The following BMPR1B variants were observed in gnomAD, a reference collection of about 807,000 sequenced individuals.
BMPR1B encodes the protein bone morphogenetic protein receptor type 1B.
A neutral mutation model predicts 59.1 loss-of-function variants in BMPR1B; 12 were observed. That is an observed-to-expected ratio of 0.20 (90% CI 0.13 to 0.33). BMPR1B has a LOEUF of 0.33. Among genes scored for constraint, BMPR1B ranks in the 10% least tolerant of loss-of-function variants. The probability of loss-of-function intolerance (pLI) is 1.00; values close to 1 mark genes in which losing one functional copy is unlikely to be tolerated. For synonymous variants in BMPR1B, 237 were observed against 207.3 expected, an observed-to-expected ratio of 1.14 and a Z score of -1.23; for missense variants, 550 against 610.9, an observed-to-expected ratio of 0.90 and a Z score of 1.05.
At chr4:94,766,703 A>C (rs966043085) in intron 1 of BMPR1B, among the ~76,000 whole-genome samples, 1 of 151,982 alleles carries the variant, frequency 6.6e-6, no homozygotes. Flanking sequence ...TACCACACAG[A>C]AGTAGCCACC....
intron 2 of BMPR1B, among the ~76,000 whole-genome samples, chr4:94,971,514 A>G (rs1443135730): frequency 6.6e-6 from 1 of 152,126 alleles, no homozygotes; most frequent in Admixed American, 6.6e-5. Context: ...AGGTGCCTCA[A>G]TTGCAGGCAG....
chr4:94,887,062 G>A lies in BMPR1B; in HGVS notation c.-113+11162G>A, dbSNP rs867519537. ...TAAAAGGTAAAAAGGAACGAAGAGCGATTCTTTGGCAATGAATGGGAAAGG... is the reference window on the plus strand; with the variant it reads ...TAAAAGGTAAAAAGGAACGAAGAGCAATTCTTTGGCAATGAATGGGAAAGG... On this transcript the variant is annotated intron_variant, in intron 2 of 12. Coordinates refer to ENST00000515059, the MANE Select transcript of BMPR1B (RefSeq NM_001203.3). Among the ~76,000 whole-genome samples the A allele has an allele frequency of 5.3e-5, 8 of 152,006 alleles. No individual in the cohort carries two copies. The South Asian group carries it at 1.0e-3, about 20-fold the overall frequency.
chr4:94,780,682 C>CTTTTTTTTTTTTTTTT (rs869117575), intron 1 of BMPR1B, among the ~76,000 whole-genome samples: 1 of 82,342 alleles, frequency 1.2e-5, no homozygotes, highest in Non-Finnish European at 2.2e-5. Flanking sequence ...GTATTATTGT[C>CTTTTTTTTTTTTTTTT]TTTTTTTTTT....
chr4:95,113,790 C>G (rs1277755342), intron 4 of BMPR1B, among the ~76,000 whole-genome samples: 1 of 152,084 alleles, frequency 6.6e-6, no homozygotes, highest in African/African-American at 2.4e-5. Context: ...GCCCTTGATT[C>G]AAGGCCCAGT....
intron 9 of BMPR1B, 140 bp downstream of exon 9, chr4:95,130,194 A>T (rs1379971322): frequency 1.2e-5 from 12 of 1,018,146 alleles, no homozygotes; most frequent in South Asian, 9.9e-5. Context: ...GCCCAAGAAC[A>T]TCATAAGTTT....
rs1049653050 is a variant in BMPR1B at position 94,957,953 on chromosome 4, A to T, written c.-112-38087A>T. 8.5e-5 allele frequency among the ~76,000 whole-genome samples: 13 copies of T among 152,304 alleles called. No individual in the cohort carries two copies. The East Asian group carries it at 2.5e-3, about 29-fold the overall frequency. ...CATGTGTGTTGATTTGTAGGCCATTATTAACTTTGGAAACTGACTACTATA... is the reference window on the plus strand; with the variant it reads ...CATGTGTGTTGATTTGTAGGCCATTTTTAACTTTGGAAACTGACTACTATA... On this transcript the variant is annotated intron_variant, in intron 2 of 12. Transcript: ENST00000515059.
chr4:94,955,297 T>A (rs1730100269), intron 2 of BMPR1B, among the ~76,000 whole-genome samples: 1 of 152,180 alleles, frequency 6.6e-6, no homozygotes, highest in African/African-American at 2.4e-5. Flanking sequence ...TCTCCTTTTT[T>A]AAGGACTTTA....
intron 3 of BMPR1B, among the ~76,000 whole-genome samples, chr4:95,096,621 A>G (rs1330815183): frequency 6.7e-6 from 1 of 149,910 alleles, no homozygotes; most frequent in African/African-American, 2.4e-5. Flanking sequence ...ATGAGAACCA[A>G]TTTTAGAGTG....
intron 2 of BMPR1B, among the ~76,000 whole-genome samples, chr4:94,965,467 A>G (rs1035167998): frequency 6.6e-6 from 1 of 152,138 alleles, no homozygotes; most frequent in Non-Finnish European, 1.5e-5. Flanking sequence ...ACTCCAAAAA[A>G]GATGTAGGTA....
chr4:94,922,060 C>A (rs1728710131), intron 2 of BMPR1B, among the ~76,000 whole-genome samples: 1 of 152,056 alleles, frequency 6.6e-6, no homozygotes, highest in African/African-American at 2.4e-5. Flanking sequence ...GCAGCCTCGA[C>A]CTTCTGGGTT....
chr4:94,840,380 G>T (rs189799019), intron 1 of BMPR1B, among the ~76,000 whole-genome samples: 1 of 137,804 alleles, frequency 7.3e-6, no homozygotes, highest in Non-Finnish European at 1.6e-5. Flanking sequence ...TCCATTCTCC[G>T]CGTCACTTTC....
At chr4:94,930,166 A>T (rs190074510) in intron 2 of BMPR1B, among the ~76,000 whole-genome samples, 1 of 152,114 alleles carries the variant, frequency 6.6e-6, no homozygotes, top group Non-Finnish European at 1.5e-5. Flanking sequence ...TCTGTTTTAT[A>T]TACACTCTGT....
intron 3 of BMPR1B, among the ~76,000 whole-genome samples, chr4:95,046,910 A>G (rs143848519): frequency 2.0e-5 from 3 of 152,318 alleles, no homozygotes; most frequent in East Asian, 3.9e-4. Flanking sequence ...AATAGAATCT[A>G]TTGGAGCAGT....
intron 3 of BMPR1B, among the ~76,000 whole-genome samples, chr4:95,021,682 T>C (rs1024030622): frequency 3.9e-5 from 6 of 152,244 alleles, no homozygotes; most frequent in Non-Finnish European, 8.8e-5. Flanking sequence ...TTGTGTAATA[T>C]TTTATACATA....
intron 3 of BMPR1B, among the ~76,000 whole-genome samples, chr4:95,069,007 A>G (rs543295920): frequency 6.6e-6 from 1 of 152,294 alleles, no homozygotes; most frequent in East Asian, 1.9e-4. Context: ...AGTGACATGT[A>G]TTTTGAAGCT....
At chr4:94,874,743 G>A (rs1314925102) in intron 1 of BMPR1B, among the ~76,000 whole-genome samples, 1 of 152,120 alleles carries the variant, frequency 6.6e-6, no homozygotes, top group African/African-American at 2.4e-5. Flanking sequence ...TGTAATCCCA[G>A]GACTTTGGGA....
chr4:95,016,343 C>T (rs1723588261), intron 3 of BMPR1B, among the ~76,000 whole-genome samples: 2 of 151,990 alleles, frequency 1.3e-5, no homozygotes, highest in Non-Finnish European at 1.5e-5. Context: ...TTCAAATGAT[C>T]AGTGATCAAC....
intron 6 of BMPR1B, among the ~76,000 whole-genome samples, chr4:95,123,169 G>A (rs945711659): frequency 7.9e-5 from 12 of 152,110 alleles, no homozygotes; most frequent in Non-Finnish European, 1.5e-5. Context: ...TTAATAATTT[G>A]TTGTATAAAA....
intron 2 of BMPR1B, among the ~76,000 whole-genome samples, chr4:94,904,116 A>T (rs976869807): frequency 6.6e-6 from 1 of 152,024 alleles, no homozygotes; most frequent in African/African-American, 2.4e-5. Flanking sequence ...TCAAATGTGT[A>T]TTCCATACAA....
Sources: allele counts gnomAD v4.1 joint callset (sites outside exome capture counted in the v4.1 genomes callset), GRCh38; gene constraint gnomAD v4.1.1; transcripts MANE v1.5; gene names NCBI Gene and HGNC (gene_info 2026-07-23, HGNC 2026-07-21).